PPM1A: variants seen among roughly 807,000 people sequenced by gnomAD.
PPM1A encodes protein phosphatase, Mg2+/Mn2+ dependent 1A, also known as protein phosphatase 1A.
Under a neutral mutation model 35.0 loss-of-function variants are expected in PPM1A, and 7 were observed. The ratio of observed to expected loss-of-function variants is 0.20; its 90% confidence interval spans 0.11 to 0.38. PPM1A has a LOEUF of 0.38. PPM1A is among the 10% of genes least tolerant of loss of function. The probability of loss-of-function intolerance (pLI) is 1.00; values close to 1 mark genes in which losing one functional copy is unlikely to be tolerated. For synonymous variants in PPM1A, 153 were observed against 167.3 expected, an observed-to-expected ratio of 0.91 and a Z score of 0.66; for missense variants, 239 against 467.8, an observed-to-expected ratio of 0.51 and a Z score of 4.51.
At position 60,292,422 on chromosome 14, in the gene PPM1A, G is replaced by T. The variant is rs202012629; in HGVS notation, c.1120-31G>T. The T allele has an allele frequency of 4.5e-6, 7 of 1,560,820 alleles. No homozygotes were observed. In the African/African-American group the frequency reaches 6.8e-5, roughly 15 times the overall value. On this transcript the variant is annotated intron_variant, in intron 5 of 5. Coordinates refer to ENST00000395076, the MANE Select transcript of PPM1A (RefSeq NM_021003.5). The surrounding 1 kb of genome is among the most constrained non-coding windows in gnomAD (Gnocchi z 4.2). ...TATTTTGGCACCGCTAAATTTTAAC[G>T]TTGTTCCTTATTTTGCTTCCTTTTA...
At chr14:60,286,543 A>T (rs905131378) in intron 3 of PPM1A, 37 of 985,196 alleles carry the variant, frequency 3.8e-5, no homozygotes, top group Admixed American at 1.2e-4. Flanking sequence ...AAAAAATTTT[A>T]AAAATAGCGT....
intron 1 of PPM1A, among the ~76,000 whole-genome samples, chr14:60,269,893 A>G (rs957952090): frequency 3.3e-5 from 5 of 152,098 alleles, no homozygotes; most frequent in Admixed American, 3.3e-4. Context: ...AAAATTTGTA[A>G]TCTTCAAATT....
At position 60,282,364 on chromosome 14, in the gene PPM1A, A is replaced by G. The variant is rs1886503600; in HGVS notation, c.-20-320A>G. Among the ~76,000 whole-genome samples, 1 of 152,252 alleles carries G rather than the reference A, an allele frequency of 6.6e-6. No homozygotes were observed. The highest frequency in any genetic ancestry group is 1.5e-5 in the Non-Finnish European group (1 of 68,042). On this transcript the variant is annotated intron_variant, in intron 1 of 5. Coordinates refer to ENST00000395076, the MANE Select transcript of PPM1A (RefSeq NM_021003.5). The surrounding 1 kb of genome is among the most constrained non-coding windows in gnomAD (Gnocchi z 5.1). ...ACATACAACTTAGTCCTGAGCTTAC[A>G]CATGTTCATTGTATCATTAAACATT...
At chr14:60,266,930 T>G (rs913430016) in intron 1 of PPM1A, among the ~76,000 whole-genome samples, 1 of 152,188 alleles carries the variant, frequency 6.6e-6, no homozygotes, top group Non-Finnish European at 1.5e-5. Flanking sequence ...AAGTGTGTGT[T>G]ATTCTGAAGC....
intron 1 of PPM1A, among the ~76,000 whole-genome samples, chr14:60,265,985 A>G (rs763609002): frequency 8.5e-5 from 13 of 152,202 alleles, no homozygotes; most frequent in Non-Finnish European, 1.3e-4. Flanking sequence ...AAATCAATGT[A>G]TATCCTACAT....
chr14:60,251,588 T>C (rs1882423160), intron 1 of PPM1A, among the ~76,000 whole-genome samples: 1 of 152,230 alleles, frequency 6.6e-6, no homozygotes, highest in African/African-American at 2.4e-5. Flanking sequence ...TTATCACATG[T>C]ACTGTCCAGT....
rs1466362452 is a variant in PPM1A, at chr14:60,289,718, T to A, written c.953-88T>A. On this transcript the variant is annotated intron_variant, in intron 3 of 5. Transcript: ENST00000395076. This position sits in a 1 kb window ranked among gnomAD's most constrained non-coding sequence, Gnocchi z 4.1. ...AAAATCTCAGATGTGGTAAATGCCA[T>A]CTTTAAAAAGCTAGGTTATCTTTGT... is the stretch of plus-strand genomic sequence containing the variant. 3 of 822,860 alleles carry A rather than the reference T, an allele frequency of 3.6e-6. No individual in the cohort carries two copies. The African/African-American group carries it at 5.3e-5, about 15-fold the overall frequency. The allele number at this position is 822,860 out of a possible 1,614,324, so 51.0% of individuals were successfully genotyped here.
intron 1 of PPM1A, among the ~76,000 whole-genome samples, chr14:60,261,083 T>TA (rs369025150): frequency 2.6e-5 from 4 of 152,318 alleles, no homozygotes; most frequent in African/African-American, 9.6e-5. Flanking sequence ...TGCATGAGTT[T>TA]ACTGAGATAT....
chr14:60,282,423 A>G lies in PPM1A; in HGVS notation c.-20-261A>G, dbSNP rs1242417374. ...TTGGTTTAAGTTGATGGCCACTGCC[A>G]GGTCTCCTTTCTGCCTTCTCCCCTT... On this transcript the variant is annotated intron_variant, in intron 1 of 5. Transcript: ENST00000395076. This position sits in a 1 kb window ranked among gnomAD's most constrained non-coding sequence, Gnocchi z 5.1. Among the ~76,000 whole-genome samples the G allele has an allele frequency of 6.6e-6, 1 of 152,228 alleles. No homozygotes were observed. Among genetic ancestry groups the G allele is most frequent in the East Asian group, 1.9e-4 (1 of 5,196 alleles).
rs1595380377 is a variant in PPM1A, at chr14:60,292,760, G to A, written c.*278G>A. On this transcript the variant is annotated 3_prime_UTR_variant, in exon 6 of 6. Coordinates refer to ENST00000395076, the MANE Select transcript of PPM1A (RefSeq NM_021003.5). This position sits in a 1 kb window ranked among gnomAD's most constrained non-coding sequence, Gnocchi z 4.2. ...TTTTGTTGTATGATTTTGTTTTTTT[G>A]TAAAGTGTAATTGTCCTTGTACAAA... The A allele has an allele frequency of 9.4e-6, 3 of 317,548 alleles. No individual in the cohort carries two copies. Among genetic ancestry groups the A allele is most frequent in the East Asian group, 1.0e-4 (2 of 19,502 alleles). The allele number at this position is 317,548 out of a possible 1,614,324, so 19.7% of individuals were successfully genotyped here.
intron 1 of PPM1A, among the ~76,000 whole-genome samples, chr14:60,278,744 C>A (rs978167296): frequency 1.3e-5 from 2 of 152,192 alleles, no homozygotes; most frequent in Admixed American, 6.5e-5. Context: ...ATACTTTTAG[C>A]AAATATGTGT....
intron 1 of PPM1A, chr14:60,250,453 G>T: frequency 1.0e-6 from 1 of 983,126 alleles, no homozygotes; most frequent in Non-Finnish European, 1.2e-6. Flanking sequence ...TGCAGTTTTA[G>T]ATACGTTTTG....
At position 60,273,618 on chromosome 14, in the gene PPM1A, C is replaced by G. The variant is rs1314251712; in HGVS notation, c.-20-9066C>G. Among the ~76,000 whole-genome samples the G allele has an allele frequency of 2.6e-5, 4 of 152,140 alleles. No homozygotes were observed. The highest frequency in any genetic ancestry group is 4.4e-5 in the Non-Finnish European group (3 of 68,020). On this transcript the variant is annotated intron_variant, in intron 1 of 5. Coordinates refer to ENST00000395076, the MANE Select transcript of PPM1A (RefSeq NM_021003.5). The surrounding 1 kb of genome is among the most constrained non-coding windows in gnomAD (Gnocchi z 4.3). ...TTGTATTTTGAAAGATTTACTTAGG[C>G]TGCAGTTTGGAGAATGAATTAGAGG...
intron 1 of PPM1A, among the ~76,000 whole-genome samples, chr14:60,279,264 G>A (rs1044299903): frequency 1.3e-5 from 2 of 152,050 alleles, no homozygotes; most frequent in African/African-American, 2.4e-5. Flanking sequence ...GATTACAGGC[G>A]CCAGCCACCA....
In PPM1A at chr14:60,291,079, A is replaced by G. The variant is rs114611562; in HGVS notation, c.1062-318A>G. Among the ~76,000 whole-genome samples the G allele has an allele frequency of 8.2e-3, 1,253 of 152,272 alleles. 18 individuals carry two copies. The highest frequency in any genetic ancestry group is 0.028 in the African/African-American group (1,176 of 41,564). On this transcript the variant is annotated intron_variant, in intron 4 of 5. Coordinates refer to ENST00000395076, the MANE Select transcript of PPM1A (RefSeq NM_021003.5). Reference sequence around the variant, plus strand: ...ATTATATCTTAAGAATGGCATTGCCATTGATGACTCATAACCATTTAAACC... The same window carrying G: ...ATTATATCTTAAGAATGGCATTGCCGTTGATGACTCATAACCATTTAAACC...
chr14:60,256,286 G>A (rs1483625962), intron 1 of PPM1A, among the ~76,000 whole-genome samples: 1 of 137,610 alleles, frequency 7.3e-6, no homozygotes, highest in African/African-American at 2.5e-5. Context: ...AGGCGTGGTG[G>A]CACGGGCATG....
intron 1 of PPM1A, among the ~76,000 whole-genome samples, chr14:60,254,512 A>T (rs180901462): frequency 1.2e-4 from 19 of 152,276 alleles, no homozygotes; most frequent in Admixed American, 3.9e-4. Context: ...GAGCAGGAAG[A>T]TATCATTGCT....
chr14:60,253,291 A>G (rs1431109784), intron 1 of PPM1A, among the ~76,000 whole-genome samples: 2 of 152,180 alleles, frequency 1.3e-5, no homozygotes, highest in African/African-American at 4.8e-5. Flanking sequence ...ACTTCTAGAT[A>G]CAGAAGAACG....
chr14:60,249,352 TG>T lies in PPM1A; in HGVS notation c.-342del, dbSNP rs1882033776. The T allele has an allele frequency of 4.8e-6, 1 of 209,746 alleles. No individual in the cohort carries two copies. Among genetic ancestry groups the T allele is most frequent in the African/African-American group, 1.5e-4 (1 of 6,742 alleles). The allele number at this position is 209,746 out of a possible 1,614,324, so 13.0% of individuals were successfully genotyped here. A position where few individuals can be genotyped will look rare whatever the true frequency, so the allele number is the denominator to read the frequency against. On this transcript the variant is annotated 5_prime_UTR_variant, in exon 1 of 6. Transcript: ENST00000395076. This position sits in a 1 kb window ranked among gnomAD's most constrained non-coding sequence, Gnocchi z 4.5. ...CGGCTGTTGCTCCGGAACGGGTGGT[TG>T]GGGAGGGGGGGGTGGGGGGACTCTA...
Sources: allele counts gnomAD v4.1 joint callset (sites outside exome capture counted in the v4.1 genomes callset), GRCh38; gene constraint gnomAD v4.1.1; non-coding constraint Gnocchi (gnomAD v3.1); transcripts MANE v1.5; gene names NCBI Gene and HGNC (gene_info 2026-07-23, HGNC 2026-07-21).